Variants in ASIC2 observed in about 807,000 individuals in gnomAD.
The protein encoded by ASIC2 is acid-sensing ion channel 2.
Under a neutral mutation model 57.3 loss-of-function variants are expected in ASIC2, and 25 were observed. The ratio of observed to expected loss-of-function variants is 0.44; its 90% confidence interval spans 0.32 to 0.61. The LOEUF (loss-of-function observed/expected upper bound fraction) is 0.61. ASIC2 is among the 20% of genes least tolerant of loss of function. ASIC2 has a pLI of 0.06. For missense variants in ASIC2, 641 were observed against 738.1 expected (o/e 0.87, Z 1.52); for synonymous variants, 319 against 307.5 (o/e 1.04, Z -0.39).
intron 1 of ASIC2, among the ~76,000 whole-genome samples, chr17:33,506,238 C>CAAAAAAAA (rs533194191): frequency 1.3e-4 from 15 of 114,104 alleles, no homozygotes; most frequent in African/African-American, 1.9e-4. Flanking sequence ...ACTAAAAATA[C>CAAAAAAAA]AAAAAAAAAA....
intron 3 of ASIC2, among the ~76,000 whole-genome samples, chr17:33,046,388 A>G (rs1383819552): frequency 1.3e-5 from 2 of 152,194 alleles, no homozygotes; most frequent in Non-Finnish European, 2.9e-5. Flanking sequence ...AGCACATCTC[A>G]ATGCATTTGC....
At chr17:33,505,984 A>G (rs1006044703) in intron 1 of ASIC2, among the ~76,000 whole-genome samples, 1 of 152,216 alleles carries the variant, frequency 6.6e-6, no homozygotes, top group Non-Finnish European at 1.5e-5. Flanking sequence ...CTCTGCATAT[A>G]ATATGTGATC....
intron 1 of ASIC2, among the ~76,000 whole-genome samples, chr17:33,764,332 A>C (rs1451514789): frequency 6.6e-6 from 1 of 150,440 alleles, no homozygotes; most frequent in Admixed American, 6.6e-5. Flanking sequence ...AAAAAAAAAA[A>C]GGCTTTGATT....
intron 1 of ASIC2, among the ~76,000 whole-genome samples, chr17:33,155,564 C>CTTTTTTTTT (rs558082080): frequency 1.5e-5 from 2 of 130,816 alleles, no homozygotes; most frequent in Non-Finnish European, 3.2e-5. Context: ...TTCTTTCTTT[C>CTTTTTTTTT]TTTTTTTTTT....
intron 1 of ASIC2, among the ~76,000 whole-genome samples, chr17:33,277,418 C>T (rs185747256): frequency 1.3e-5 from 2 of 152,320 alleles, no homozygotes; most frequent in African/African-American, 2.4e-5. Context: ...GCCTTAGCTG[C>T]CCCATCTGTA....
At chr17:33,889,437 T>C (rs1914909064) in intron 1 of ASIC2, among the ~76,000 whole-genome samples, 1 of 152,208 alleles carries the variant, frequency 6.6e-6, no homozygotes, top group East Asian at 1.9e-4. Flanking sequence ...CAGAGGTAAT[T>C]TACTGTGAAA....
At chr17:33,572,212 C>A (rs141942165) in intron 1 of ASIC2, 2 of 152,302 alleles carry the variant, frequency 1.3e-5, no homozygotes, top group African/African-American at 4.8e-5. Context: ...TATGGAACCA[C>A]TCACTCCTAT....
At chr17:33,579,173 C>T (rs542381578) in intron 1 of ASIC2, among the ~76,000 whole-genome samples, 3 of 151,508 alleles carry the variant, frequency 2.0e-5, no homozygotes, top group African/African-American at 4.9e-5. Flanking sequence ...GTAATCCCAG[C>T]TACTTGAGAG....
chr17:33,396,203 A>G (rs1278478206), intron 1 of ASIC2, among the ~76,000 whole-genome samples: 1 of 152,194 alleles, frequency 6.6e-6, no homozygotes, highest in Non-Finnish European at 1.5e-5. Context: ...TTGGCCAAGG[A>G]TGTGTAGCAA....
chr17:33,757,385 G>A (rs1164883524), intron 1 of ASIC2, among the ~76,000 whole-genome samples: 1 of 152,196 alleles, frequency 6.6e-6, no homozygotes, highest in African/African-American at 2.4e-5. Context: ...ACTTTGAGAG[G>A]CTGAGAGGTG....
chr17:33,104,778 G>T (rs1008167377), intron 2 of ASIC2, among the ~76,000 whole-genome samples: 1 of 152,190 alleles, frequency 6.6e-6, no homozygotes, highest in Non-Finnish European at 1.5e-5. Context: ...GAACATTAAA[G>T]GAATTTAGTG....
At position 33,568,890 on chromosome 17, in the gene ASIC2, G is replaced by A. The variant is rs148784835; in HGVS notation, c.556-456823C>T. Among the ~76,000 whole-genome samples the A allele has an allele frequency of 9.9e-5, 15 of 152,274 alleles. No homozygotes were observed. In the East Asian group the frequency reaches 2.9e-3, roughly 29 times the overall value. Reference sequence around the variant, plus strand: ...ATTTTGCTAAGGGATATGGAACTCAGCCTGTAGGCATAAAATAGTCAATGG... The same window carrying A: ...ATTTTGCTAAGGGATATGGAACTCAACCTGTAGGCATAAAATAGTCAATGG... On this transcript the variant is annotated intron_variant, in intron 1 of 9. Coordinates refer to the ASIC2 transcript ENST00000359872.
intron 1 of ASIC2, among the ~76,000 whole-genome samples, chr17:34,029,798 G>A (rs1907521994): frequency 6.6e-6 from 1 of 152,238 alleles, no homozygotes; most frequent in African/African-American, 2.4e-5. Context: ...CTCTAGAACT[G>A]TGAGAAATAA....
chr17:33,439,101 C>T (rs1911733552), intron 1 of ASIC2, among the ~76,000 whole-genome samples: 1 of 152,176 alleles, frequency 6.6e-6, no homozygotes, highest in Non-Finnish European at 1.5e-5. Context: ...TCCTTGGCCT[C>T]CCAAAGTGCT....
At chr17:33,633,507 G>A (rs571392009) in intron 1 of ASIC2, among the ~76,000 whole-genome samples, 10 of 152,194 alleles carry the variant, frequency 6.6e-5, no homozygotes, top group Admixed American at 1.3e-4. Flanking sequence ...CTGCTGGGTC[G>A]AGGGGTTGCT....
At chr17:33,915,914 G>C (rs774679771) in intron 1 of ASIC2, among the ~76,000 whole-genome samples, 1 of 152,092 alleles carries the variant, frequency 6.6e-6, no homozygotes, top group Non-Finnish European at 1.5e-5. Flanking sequence ...GGCCCCGTGG[G>C]GACACTCAAG....
intron 1 of ASIC2, among the ~76,000 whole-genome samples, chr17:33,903,743 C>A (rs1915279258): frequency 6.6e-6 from 1 of 152,186 alleles, no homozygotes; most frequent in Non-Finnish European, 1.5e-5. Flanking sequence ...ATTTCTATAA[C>A]AACTGCTGCT....
intron 1 of ASIC2, among the ~76,000 whole-genome samples, chr17:34,106,164 G>T (rs1446916404): frequency 6.6e-6 from 1 of 151,986 alleles, no homozygotes. Flanking sequence ...GTTTCCTTGT[G>T]ATTAGGTTCA....
intron 1 of ASIC2, among the ~76,000 whole-genome samples, chr17:33,698,285 T>A (rs1256135036): frequency 2.6e-5 from 4 of 152,146 alleles, no homozygotes; most frequent in Admixed American, 2.6e-4. Context: ...TCATATGGGG[T>A]TTACGCATCT....
Sources: gnomAD v4.1 joint callset for allele counts (sites outside exome capture counted in the v4.1 genomes callset) on GRCh38, gnomAD v4.1.1 for gene constraint, MANE v1.5 for transcripts, NCBI Gene and HGNC (gene_info 2026-07-23, HGNC 2026-07-21) for gene names.